The following RPH3A variants were observed in gnomAD, a reference collection of about 807,000 sequenced individuals.
RPH3A encodes rabphilin-3A.
Under a neutral mutation model 102.2 loss-of-function variants are expected in RPH3A, and 48 were observed. The observed-to-expected ratio is 0.47, with a 90% confidence interval of 0.37 to 0.60. The LOEUF is 0.60. RPH3A is among the 20% of genes least tolerant of loss of function. RPH3A has a pLI of 0.00. For missense variants in RPH3A, 781 were observed against 910.1 expected (o/e 0.86, Z 1.83); for synonymous variants, 310 against 324.3 (o/e 0.96, Z 0.47).
chr12:112,866,558 T>C (rs1277346003), intron 6 of RPH3A, among the ~76,000 whole-genome samples, 199 bp from the exon 7 acceptor site: 1 of 152,110 alleles, frequency 6.6e-6, no homozygotes, highest in African/African-American at 2.4e-5. Flanking sequence ...ATCCAGTGCT[T>C]GGGAATGACT....
intron 1 of RPH3A, among the ~76,000 whole-genome samples, chr12:112,689,301 G>C (rs1430927268): frequency 2.0e-5 from 3 of 152,180 alleles, no homozygotes; most frequent in Admixed American, 6.5e-5. Flanking sequence ...ACAAGTTGAG[G>C]TTGCCAAGTG....
At chr12:112,682,107 C>G (rs1271684818) in intron 1 of RPH3A, among the ~76,000 whole-genome samples, 2 of 152,138 alleles carry the variant, frequency 1.3e-5, no homozygotes, top group Non-Finnish European at 1.5e-5. Flanking sequence ...TTGTATTAAT[C>G]AAGATTCTTC....
chr12:112,794,774 G>A (rs1441427998), intron 2 of RPH3A, among the ~76,000 whole-genome samples: 2 of 152,134 alleles, frequency 1.3e-5, no homozygotes, highest in South Asian at 2.1e-4. Context: ...AGTAAGTTAT[G>A]GCAGCAACAT....
intron 1 of RPH3A, among the ~76,000 whole-genome samples, chr12:112,757,115 G>C (rs1219889045): frequency 6.6e-6 from 1 of 152,022 alleles, no homozygotes; most frequent in Non-Finnish European, 1.5e-5. Context: ...ATACATATTT[G>C]CTGAATAGAC....
chr12:112,634,578 T>C (rs2135988047), intron 1 of RPH3A, among the ~76,000 whole-genome samples: 1 of 152,144 alleles, frequency 6.6e-6, no homozygotes, highest in South Asian at 2.1e-4. Flanking sequence ...GGTCACTATT[T>C]TGAATGGATG....
chr12:112,747,797 C>T (rs1372167711), intron 1 of RPH3A, among the ~76,000 whole-genome samples: 1 of 152,192 alleles, frequency 6.6e-6, no homozygotes, highest in South Asian at 2.1e-4. Flanking sequence ...AAGTTTATTT[C>T]TTTTATGTGA....
intron 1 of RPH3A, among the ~76,000 whole-genome samples, chr12:112,732,859 C>T (rs572951895): frequency 5.8e-4 from 88 of 152,208 alleles, no homozygotes; most frequent in African/African-American, 2.1e-3. Context: ...GTAACTGTAA[C>T]CATCAAAACC....
At chr12:112,654,506 C>T (rs972796024) in intron 1 of RPH3A, among the ~76,000 whole-genome samples, 26 of 152,030 alleles carry the variant, frequency 1.7e-4, no homozygotes, top group African/African-American at 4.3e-4. Context: ...CATCCACACC[C>T]GGGTTAAAGT....
In RPH3A at chr12:112,610,362, G is replaced by A. The variant is rs139687576; in HGVS notation, c.-140+35043G>A. 7.0e-3 allele frequency among the ~76,000 whole-genome samples: 1,065 copies of A among 151,996 alleles called. 18 individuals are homozygous for A. The highest frequency in any genetic ancestry group is 0.025 in the African/African-American group (1,035 of 41,504). On this transcript the variant is annotated intron_variant, in intron 1 of 21. Coordinates refer to the RPH3A transcript ENST00000543106. ...TACTAAAAATACAAAAATTAGCTTG[G>A]CGTGGTGGTAGGCGCCTGTAATTCC...
At chr12:112,805,028 A>G (rs2041430379) in intron 2 of RPH3A, among the ~76,000 whole-genome samples, 1 of 151,800 alleles carries the variant, frequency 6.6e-6, no homozygotes, top group Admixed American at 6.5e-5. Context: ...GAGTTTTCCT[A>G]GAAAAAACAA....
intron 1 of RPH3A, among the ~76,000 whole-genome samples, chr12:112,730,635 T>C (rs2136048549): frequency 6.6e-6 from 1 of 152,184 alleles, no homozygotes; most frequent in Admixed American, 6.5e-5. Flanking sequence ...TAGGAAACAT[T>C]TTGCACCCCA....
chr12:112,840,878 T>C (rs1159827840), intron 4 of RPH3A, among the ~76,000 whole-genome samples: 2 of 152,076 alleles, frequency 1.3e-5, no homozygotes, highest in Non-Finnish European at 2.9e-5. Flanking sequence ...TAGCCAGCGG[T>C]AGACAGGCCC....
At chr12:112,670,906 C>T (rs910108334) in intron 1 of RPH3A, among the ~76,000 whole-genome samples, 3 of 152,108 alleles carry the variant, frequency 2.0e-5, no homozygotes, top group African/African-American at 7.2e-5. Context: ...ACAAACCTCA[C>T]CTGTTGATGT....
At chr12:112,741,870 G>A (rs1241851319) in intron 1 of RPH3A, among the ~76,000 whole-genome samples, 1 of 152,092 alleles carries the variant, frequency 6.6e-6, no homozygotes, top group Non-Finnish European at 1.5e-5. Context: ...ATCATCTGAT[G>A]GGGTTAGCGA....
At chr12:112,783,270 A>G (rs2136079314) in intron 1 of RPH3A, among the ~76,000 whole-genome samples, 1 of 152,318 alleles carries the variant, frequency 6.6e-6, no homozygotes, top group South Asian at 2.1e-4. Flanking sequence ...GTAGGGAAGA[A>G]GAGGTGCCCA....
rs2040201055 is a variant in RPH3A at position 112,678,322 on chromosome 12, A to AGAGAGACGG, written c.-140+103003_-140+103004insGAGAGACGG. On this transcript the variant is annotated intron_variant, in intron 1 of 21. Coordinates refer to the RPH3A transcript ENST00000543106. The stretch of plus-strand genomic sequence containing the variant: ...GAAAGAAAGAGAGAGAGAGAGAAAG[A>AGAGAGACGG]AAGAAAGAAGGAAGGAAGGAAGGAA... Among the ~76,000 whole-genome samples, 2 of 134,126 alleles carry AGAGAGACGG rather than the reference A, an allele frequency of 1.5e-5. 1 individual carries two copies. Among genetic ancestry groups the AGAGAGACGG allele is most frequent in the African/African-American group, 5.6e-5 (2 of 35,408 alleles). 88.0% of individuals were successfully genotyped at this position (134,126 alleles called of 152,430 possible).
In RPH3A at chr12:112,649,711, T is replaced by C. The variant is rs934561854; in HGVS notation, c.-140+74392T>C. Among the ~76,000 whole-genome samples the C allele has an allele frequency of 4.6e-5, 7 of 152,242 alleles. No homozygotes were observed. In the South Asian group the frequency reaches 1.2e-3, roughly 27 times the overall value. On this transcript the variant is annotated intron_variant, in intron 1 of 21. Transcript: ENST00000543106. ...TTGTATTAGCCTGTTACGGCTGCCA[T>C]AACAAAATGCCACAGGCTGGGTGGC...
At position 112,618,079 on chromosome 12, in the gene RPH3A, C is replaced by T. The variant is rs10082838; in HGVS notation, c.-140+42760C>T. On this transcript the variant is annotated intron_variant, in intron 1 of 21. Transcript: ENST00000543106. ...AAGTCTTAGTGTGATTTGTGATTTT[C>T]CCTATGCCAACCCCCCATGAGAATC... Among the ~76,000 whole-genome samples the T allele has an allele frequency of 6.6e-3, 1,003 of 152,258 alleles. 16 individuals are homozygous for T. The highest frequency in any genetic ancestry group is 0.023 in the African/African-American group (951 of 41,540).
chr12:112,679,781 G>A (rs913414326), intron 1 of RPH3A, among the ~76,000 whole-genome samples: 4 of 152,224 alleles, frequency 2.6e-5, no homozygotes, highest in African/African-American at 9.6e-5. Context: ...AAGGGTGAGG[G>A]CAAAACTCAT....
Sources: gnomAD v4.1 joint callset for allele counts (sites outside exome capture counted in the v4.1 genomes callset) on GRCh38, gnomAD v4.1.1 for gene constraint, MANE v1.5 for transcripts, NCBI Gene and HGNC (gene_info 2026-07-23, HGNC 2026-07-21) for gene names.